UBE2E2: variants seen among roughly 807,000 people sequenced by gnomAD.
UBE2E2 encodes ubiquitin-conjugating enzyme E2 E2.
A neutral mutation model predicts 24.7 loss-of-function variants in UBE2E2; 6 were observed. That is an observed-to-expected ratio of 0.24 (90% CI 0.13 to 0.48). The LOEUF (loss-of-function observed/expected upper bound fraction) is 0.48, where lower values mean the gene tolerates loss of function less well. Among genes scored for constraint, UBE2E2 ranks in the 20% least tolerant of loss-of-function variants. The probability of loss-of-function intolerance (pLI) is 0.99; values close to 1 mark genes in which losing one functional copy is unlikely to be tolerated. For synonymous variants in UBE2E2, 104 were observed against 83.6 expected (o/e 1.24, Z -1.33); for missense variants, 169 against 245.0 (o/e 0.69, Z 2.07).
intron 5 of UBE2E2, among the ~76,000 whole-genome samples, chr3:23,581,836 G>A (rs1223102577): frequency 2.6e-5 from 4 of 152,206 alleles, no homozygotes; most frequent in African/African-American, 4.8e-5. Context: ...CAGCAGTTCA[G>A]CAGTCTGCCT....
chr3:23,220,874 A>T (rs1422860624), intron 3 of UBE2E2, among the ~76,000 whole-genome samples: 1 of 152,222 alleles, frequency 6.6e-6, no homozygotes, highest in Non-Finnish European at 1.5e-5. Context: ...AGATCTGTGC[A>T]TGTCAGTGTG....
chr3:23,426,691 T>C (rs1344180555), intron 3 of UBE2E2, among the ~76,000 whole-genome samples: 1 of 152,104 alleles, frequency 6.6e-6, no homozygotes, highest in Non-Finnish European at 1.5e-5. Context: ...TAAACAAAAA[T>C]TGAGAGAATT....
intron 3 of UBE2E2, among the ~76,000 whole-genome samples, chr3:23,465,835 ATTTG>A (rs1481197346): frequency 2.0e-5 from 3 of 152,200 alleles, no homozygotes; most frequent in Middle Eastern, 3.2e-3. Context: ...GGAAAAGTGT[ATTTG>A]TTTAACTATA....
intron 3 of UBE2E2, among the ~76,000 whole-genome samples, chr3:23,224,156 G>GTTTTTTTTTTTTTT (rs531661466): frequency 2.7e-3 from 253 of 93,654 alleles, no homozygotes; most frequent in Middle Eastern, 9.8e-3. Flanking sequence ...TAAATTTTAG[G>GTTTTTTTTTTTTTT]TTTTTTTTTT....
intron 3 of UBE2E2, among the ~76,000 whole-genome samples, chr3:23,472,135 A>G (rs1222563884): frequency 6.6e-6 from 1 of 152,222 alleles, no homozygotes. Flanking sequence ...AATCCAAATT[A>G]GAAAAGACTC....
At chr3:23,348,763 G>A (rs1458619833) in intron 3 of UBE2E2, among the ~76,000 whole-genome samples, 2 of 152,156 alleles carry the variant, frequency 1.3e-5, no homozygotes, top group Non-Finnish European at 2.9e-5. Context: ...AAAGGCCAAA[G>A]AGTAATCCCT....
chr3:23,500,101 C>T (rs1290173899), intron 4 of UBE2E2, among the ~76,000 whole-genome samples: 1 of 152,064 alleles, frequency 6.6e-6, no homozygotes, highest in Admixed American at 6.5e-5. Context: ...GAGCCAGAGC[C>T]CAAGCAAGCT....
intron 5 of UBE2E2, among the ~76,000 whole-genome samples, chr3:23,539,474 T>TA (rs975437606): frequency 1.2e-4 from 19 of 152,080 alleles, no homozygotes; most frequent in African/African-American, 3.6e-4. Context: ...CTTATCTAAC[T>TA]AAAAGGGCCT....
chr3:23,534,252 A>G (rs2125487088), intron 5 of UBE2E2: 1 of 982,582 alleles, frequency 1.0e-6, no homozygotes, highest in East Asian at 1.1e-4. Flanking sequence ...CTCTACAGAT[A>G]TTCCTGCTTA....
chr3:23,583,893 C>A lies in UBE2E2; in HGVS notation c.509-5841C>A, dbSNP rs7612874. 1.3e-5 allele frequency among the ~76,000 whole-genome samples: 2 copies of A among 152,194 alleles called. No homozygotes were observed. The highest frequency in any genetic ancestry group is 3.4e-3 in the Middle Eastern group (1 of 294). On this transcript the variant is annotated intron_variant, in intron 5 of 5. Coordinates refer to ENST00000396703, the MANE Select transcript of UBE2E2 (RefSeq NM_152653.4). This position sits in a 1 kb window ranked among gnomAD's most constrained non-coding sequence, Gnocchi z 4.1. ...TAGTTTGACTTCCTCCCTTCCTATT[C>A]GAATGCATTTTATTTCTTTCTCTTG...
chr3:23,430,632 T>C (rs1698038955), intron 3 of UBE2E2, among the ~76,000 whole-genome samples: 1 of 152,070 alleles, frequency 6.6e-6, no homozygotes, highest in Admixed American at 6.5e-5. Context: ...AGTCTTCCTG[T>C]CTTATCCTCC....
At chr3:23,495,514 A>T (rs1273926034) in intron 3 of UBE2E2, among the ~76,000 whole-genome samples, 2 of 152,314 alleles carry the variant, frequency 1.3e-5, no homozygotes, top group East Asian at 1.9e-4. Context: ...ATGTTATTTC[A>T]TAGCTGTATA....
intron 3 of UBE2E2, among the ~76,000 whole-genome samples, chr3:23,482,852 GT>G (rs1699286783): frequency 6.6e-6 from 1 of 152,284 alleles, no homozygotes; most frequent in African/African-American, 2.4e-5. Flanking sequence ...ATGTGAAAAT[GT>G]TTTGTCAACT....
intron 5 of UBE2E2, among the ~76,000 whole-genome samples, chr3:23,549,026 C>T (rs1695582266): frequency 6.6e-6 from 1 of 152,162 alleles, no homozygotes; most frequent in Non-Finnish European, 1.5e-5. Context: ...CCAGTCTCAG[C>T]CAGTACCTAC....
At chr3:23,546,160 A>T (rs1183584256) in intron 5 of UBE2E2, among the ~76,000 whole-genome samples, 1 of 152,204 alleles carries the variant, frequency 6.6e-6, no homozygotes, top group African/African-American at 2.4e-5. Context: ...TTGAAATAAA[A>T]TTAATTAAAC....
intron 3 of UBE2E2, among the ~76,000 whole-genome samples, chr3:23,468,227 T>C (rs780483056): frequency 3.9e-5 from 6 of 152,196 alleles, no homozygotes; most frequent in Non-Finnish European, 8.8e-5. Context: ...ATTTCCCCCT[T>C]TATTTCAGTC....
At chr3:23,388,691 T>A (rs901459790) in intron 3 of UBE2E2, among the ~76,000 whole-genome samples, 10 of 151,848 alleles carry the variant, frequency 6.6e-5, no homozygotes, top group Admixed American at 5.9e-4. Context: ...TTAAAAAAAA[T>A]ATTTGGTCTT....
intron 3 of UBE2E2, among the ~76,000 whole-genome samples, chr3:23,267,371 A>G (rs1211313026): frequency 3.9e-5 from 6 of 152,182 alleles, no homozygotes; most frequent in Non-Finnish European, 7.3e-5. Flanking sequence ...GATAAAGGGG[A>G]TGTCACCACT....
chr3:23,292,331 A>T (rs1477924233), intron 3 of UBE2E2, among the ~76,000 whole-genome samples: 1 of 152,138 alleles, frequency 6.6e-6, no homozygotes, highest in Admixed American at 6.5e-5. Context: ...TCTTTAAAAC[A>T]GTATTGGTGG....
Sources: gnomAD v4.1 joint callset for allele counts (sites outside exome capture counted in the v4.1 genomes callset) on GRCh38, gnomAD v4.1.1 for gene constraint, Gnocchi (gnomAD v3.1) non-coding constraint, MANE v1.5 for transcripts, NCBI Gene and HGNC (gene_info 2026-07-23, HGNC 2026-07-21) for gene names.